RIT1: variants seen among roughly 807,000 people sequenced by gnomAD.
RIT1 encodes the protein GTP-binding protein Rit1.
Under a neutral mutation model 25.6 loss-of-function variants are expected in RIT1, and 6 were observed. The observed-to-expected ratio is 0.23, with a 90% CI of 0.13 to 0.46. RIT1 has a LOEUF of 0.46. RIT1 is among the 20% of genes least tolerant of loss of function. The pLI, the probability that RIT1 is intolerant of heterozygous loss-of-function variation, is 0.99. For synonymous variants in RIT1, 81 were observed against 94.1 expected (o/e 0.86, Z 0.80); for missense variants, 219 against 284.4 (o/e 0.77, Z 1.65).
At chr1:155,903,100 A>G (rs1673347345) in intron 5 of RIT1, among the ~76,000 whole-genome samples, 1 of 152,016 alleles carries the variant, frequency 6.6e-6, no homozygotes, top group South Asian at 2.1e-4. Flanking sequence ...GATCGAGACC[A>G]TCCTGGCTAA....
Position 155,898,792 on chromosome 1 carries a change from CA to C in RIT1, c.*1595del. 5.3e-6 allele frequency: 1 copy of C among 189,974 alleles called. No homozygotes were observed. Among genetic ancestry groups the C allele is most frequent in the Non-Finnish European group, 1.1e-5 (1 of 90,630 alleles). 11.8% of individuals were successfully genotyped at this position (189,974 alleles called of 1,614,324 possible). The stretch of plus-strand genomic sequence containing the variant: ...CCATAAAACATGATTTATTTGGTAA[CA>C]AAAATGTTTCCAGGAGTTTAAAAAG... On this transcript the variant is annotated 3_prime_UTR_variant, in exon 6 of 6. Coordinates refer to ENST00000368323, the MANE Select transcript of RIT1 (RefSeq NM_006912.6).
rs529146132 is a variant in RIT1 at position 155,898,143 on chromosome 1, T to C, written c.*2245A>G. The C allele has an allele frequency of 7.9e-5, 12 of 152,406 alleles. No homozygotes were observed. Among genetic ancestry groups the C allele is most frequent in the African/African-American group, 2.6e-4 (11 of 41,560 alleles). The allele number at this position is 152,406 out of a possible 1,614,324, so 9.4% of individuals were successfully genotyped here. A position where few individuals can be genotyped will look rare whatever the true frequency, so the allele number is the denominator to read the frequency against. ...CTTAGAGCTTATAAATTAGCTACACTTTATGACACTAAGAATAGAGCTATG... is the reference window on the plus strand; with the variant it reads ...CTTAGAGCTTATAAATTAGCTACACCTTATGACACTAAGAATAGAGCTATG... On this transcript the variant is annotated 3_prime_UTR_variant, in exon 6 of 6. Transcript: ENST00000368323.
intron 3 of RIT1, among the ~76,000 whole-genome samples, chr1:155,909,373 G>A (rs538639616): frequency 3.3e-5 from 5 of 150,310 alleles, no homozygotes; most frequent in South Asian, 2.1e-4. Context: ...GTGAGACACC[G>A]TCTCCAAAAA....
chr1:155,902,694 A>T (rs959005820), intron 5 of RIT1, among the ~76,000 whole-genome samples: 6 of 146,632 alleles, frequency 4.1e-5, no homozygotes, highest in African/African-American at 1.5e-4. Flanking sequence ...TACAAAAATT[A>T]GCTGGATGTG....
In RIT1 at chr1:155,905,519, GA is replaced by G. The variant is rs577378408; in HGVS notation, c.164-716del. Among the ~76,000 whole-genome samples the G allele has an allele frequency of 2.6e-4, 39 of 147,980 alleles. No homozygotes were observed. The East Asian group carries it at 5.9e-3, about 23-fold the overall frequency. ...TCAGCCGAGACCCCATCTCTTAGGGGAAAAAAAAAATTAGGCCTGAAAAGTA... is the reference window on the plus strand; with the variant it reads ...TCAGCCGAGACCCCATCTCTTAGGGGAAAAAAAAATTAGGCCTGAAAAGTA... On this transcript the variant is annotated intron_variant, in intron 3 of 5. Transcript: ENST00000368323.
intron 3 of RIT1, among the ~76,000 whole-genome samples, chr1:155,907,112 A>AAAAAG: frequency 6.6e-6 from 1 of 152,284 alleles, no homozygotes; most frequent in East Asian, 1.9e-4. Context: ...TGTCTCAAAA[A>AAAAAG]AAAAGAAAAG....
At position 155,899,968 on chromosome 1, in the gene RIT1, C is replaced by G. The variant is rs985238371; in HGVS notation, c.*420G>C. ...TGATTTTTGTTCTGTCTCTAGGAAG[C>G]ATAGTGTGAATAGAAGAGACTGAGG... On this transcript the variant is annotated 3_prime_UTR_variant, in exon 6 of 6. Transcript: ENST00000368323. 3 of 231,652 alleles carry G rather than the reference C, an allele frequency of 1.3e-5. No individual in the cohort carries two copies. Among genetic ancestry groups the G allele is most frequent in the African/African-American group, 6.7e-5 (3 of 44,566 alleles). The allele number at this position is 231,652 out of a possible 1,614,324, so 14.3% of individuals were successfully genotyped here. A position where few individuals can be genotyped will look rare whatever the true frequency, so the allele number is the denominator to read the frequency against.
rs1388226075 is a variant in RIT1, at chr1:155,899,898, C to G, written c.*490G>C. On this transcript the variant is annotated 3_prime_UTR_variant, in exon 6 of 6. Coordinates refer to ENST00000368323, the MANE Select transcript of RIT1 (RefSeq NM_006912.6). ...CAACAGGTGTCAGCCTCACAGGTATCTGCTGAAATTTGGCACTGATCTCAT... is the reference window on the plus strand; with the variant it reads ...CAACAGGTGTCAGCCTCACAGGTATGTGCTGAAATTTGGCACTGATCTCAT... The G allele has an allele frequency of 4.5e-6, 1 of 219,796 alleles. No individual in the cohort carries two copies. The highest frequency in any genetic ancestry group is 2.3e-5 in the African/African-American group (1 of 44,310). The allele number at this position is 219,796 out of a possible 1,614,324, so 13.6% of individuals were successfully genotyped here. A position where few individuals can be genotyped will look rare whatever the true frequency, so the allele number is the denominator to read the frequency against.
rs1270802896 is a variant in RIT1 at position 155,900,403 on chromosome 1, T to C, written c.645A>G (p.Lys215=). Residue 215 remains lysine (K), a synonymous_variant, in exon 6 of 6, where the codon AAA becomes AAG. Transcript: ENST00000368323. Reference sequence around the variant, plus strand: ...CATCTTCTCTTCAAGTTACTGAATCTTTCTTCTTCCGGAATGGTGATTTTA... The same window carrying C: ...CATCTTCTCTTCAAGTTACTGAATCCTTCTTCTTCCGGAATGGTGATTTTA... ...KRLKSPFRKK[K]DSVT is the part of the protein sequence containing the mutation. 1 of 1,613,450 alleles carries C rather than the reference T, an allele frequency of 6.2e-7. No individual in the cohort carries two copies. The highest frequency in any genetic ancestry group is 8.5e-7 in the Non-Finnish European group (1 of 1,179,428).
At chr1:155,902,679 TA>T (rs1673336383) in intron 5 of RIT1, among the ~76,000 whole-genome samples, 1 of 139,336 alleles carries the variant, frequency 7.2e-6, no homozygotes, top group South Asian at 2.3e-4. Context: ...CCGTCTCTAC[TA>T]AAATACAAAA....
At chr1:155,908,894 T>A (rs1056480813) in intron 3 of RIT1, among the ~76,000 whole-genome samples, 1 of 151,976 alleles carries the variant, frequency 6.6e-6, no homozygotes, top group African/African-American at 2.4e-5. Context: ...AAATTTGATA[T>A]AGTACATGAA....
Position 155,898,963 on chromosome 1 carries a change from G to C in RIT1, c.*1425C>G, listed in dbSNP as rs1673251368. The C allele has an allele frequency of 4.7e-6, 1 of 212,954 alleles. No individual in the cohort carries two copies. The highest frequency in any genetic ancestry group is 9.5e-6 in the Non-Finnish European group (1 of 105,290). The allele number at this position is 212,954 out of a possible 1,614,324, so 13.2% of individuals were successfully genotyped here. A position where few individuals can be genotyped will look rare whatever the true frequency, so the allele number is the denominator to read the frequency against. On this transcript the variant is annotated 3_prime_UTR_variant, in exon 6 of 6. Transcript: ENST00000368323. ...TTAAGATGAGCTGTGTGCTTATAAA[G>C]AGGTGCTACACAAGTCATCTTACGT...
At position 155,900,145 on chromosome 1, in the gene RIT1, C is replaced by A. The variant is rs1673282076; in HGVS notation, c.*243G>T. On this transcript the variant is annotated 3_prime_UTR_variant, in exon 6 of 6. Transcript: ENST00000368323. Reference sequence around the variant, plus strand: ...TACATTAATTAATAGCGCAACAGAACCCAAAACATTGGTAGAACAAATTCT... The same window carrying A: ...TACATTAATTAATAGCGCAACAGAAACCAAAACATTGGTAGAACAAATTCT... The A allele has an allele frequency of 6.2e-6, 3 of 487,448 alleles. No homozygotes were observed. The highest frequency in any genetic ancestry group is 1.1e-5 in the Non-Finnish European group (3 of 274,342). 30.2% of individuals were successfully genotyped at this position (487,448 alleles called of 1,614,324 possible).
At position 155,898,553 on chromosome 1, in the gene RIT1, G is replaced by GTC. The variant is rs1673243208; in HGVS notation, c.*1834_*1835insGA. The stretch of plus-strand genomic sequence containing the variant: ...TATATATATATATATATCTCTTAAT[G>GTC]TTAATAACAATTCCCTAGGTCACTA... On this transcript the variant is annotated 3_prime_UTR_variant, in exon 6 of 6. Transcript: ENST00000368323. The GTC allele has an allele frequency of 9.3e-6, 1 of 107,162 alleles. No homozygotes were observed. The highest frequency in any genetic ancestry group is 1.1e-4 in the Admixed American group (1 of 8,696). The allele number at this position is 107,162 out of a possible 1,614,324, so 6.6% of individuals were successfully genotyped here.
chr1:155,903,657 C>T (rs1673365682), intron 5 of RIT1, among the ~76,000 whole-genome samples: 1 of 151,940 alleles, frequency 6.6e-6, no homozygotes, highest in African/African-American at 2.4e-5. Flanking sequence ...ATATATAAAT[C>T]CCTATAAATT....
In RIT1 at chr1:155,898,494, A is replaced by T. The variant is rs1673231821; in HGVS notation, c.*1894T>A. 1.4e-4 allele frequency: 2 copies of T among 14,658 alleles called. No individual in the cohort carries two copies. The highest frequency in any genetic ancestry group is 2.0e-4 in the Non-Finnish European group (1 of 5,102). The allele number at this position is 14,658 out of a possible 1,614,324, so 0.9% of individuals were successfully genotyped here. ...CATAGTGAAACCTCATCTCTATTTA[A>T]AAAAAAAAAAAAAAAAAAAAAAAAA... On this transcript the variant is annotated 3_prime_UTR_variant, in exon 6 of 6. Coordinates refer to ENST00000368323, the MANE Select transcript of RIT1 (RefSeq NM_006912.6).
chr1:155,908,236 A>C (rs545159465), intron 3 of RIT1, among the ~76,000 whole-genome samples: 1 of 152,108 alleles, frequency 6.6e-6, no homozygotes, highest in East Asian at 2.0e-4. Flanking sequence ...CAGACAGATC[A>C]CGAGGTCAGG....
chr1:155,901,368 G>A (rs1673308401), intron 5 of RIT1, among the ~76,000 whole-genome samples: 1 of 152,034 alleles, frequency 6.6e-6, no homozygotes, highest in Non-Finnish European at 1.5e-5. Context: ...GGGGCCAGGA[G>A]CGGTGGCTCA....
chr1:155,900,671 C>A, intron 5 of RIT1, 53 bp from the exon 6 acceptor site: 2 of 1,477,732 alleles, frequency 1.4e-6, no homozygotes, highest in South Asian at 1.2e-5. Context: ...TTAAATTGTC[C>A]AAAAACCTGA....
Sources: allele counts gnomAD v4.1 joint callset (sites outside exome capture counted in the v4.1 genomes callset), GRCh38; gene constraint gnomAD v4.1.1; transcripts MANE v1.5; gene names NCBI Gene and HGNC (gene_info 2026-07-23, HGNC 2026-07-21).